Variants in INTS7 observed in about 807,000 individuals in gnomAD.
INTS7 encodes chromosome 1 open reading frame 73.
A neutral mutation model predicts 109.2 loss-of-function variants in INTS7; 46 were observed. The observed-to-expected ratio is 0.42, with a 90% CI of 0.33 to 0.54. The LOEUF (loss-of-function observed/expected upper bound fraction) is 0.54. Among genes scored for constraint, INTS7 ranks in the 20% least tolerant of loss-of-function variants. INTS7 has a pLI of 0.07. For missense variants in INTS7, 929 were observed against 1,132.4 expected (o/e 0.82, Z 2.58); for synonymous variants, 412 against 402.9 (o/e 1.02, Z -0.27).
chr1:211,953,621 A>G (rs1487809167), intron 16 of INTS7, among the ~76,000 whole-genome samples: 1 of 135,926 alleles, frequency 7.4e-6, no homozygotes, highest in African/African-American at 2.8e-5. Flanking sequence ...TCATTGTTCA[A>G]CTCCCACCTA....
At chr1:211,954,199 T>C (rs1663249338) in intron 16 of INTS7, among the ~76,000 whole-genome samples, 1 of 152,202 alleles carries the variant, frequency 6.6e-6, no homozygotes. Flanking sequence ...AAATGTCTTC[T>C]TTTGAGAAGT....
At chr1:212,014,634 G>A (rs1038595053) in intron 4 of INTS7, among the ~76,000 whole-genome samples, 1 of 144,580 alleles carries the variant, frequency 6.9e-6, no homozygotes, top group Non-Finnish European at 1.5e-5. Flanking sequence ...TCGGCTCACT[G>A]CAACCTCCCT....
intron 9 of INTS7, 26 bp downstream of exon 9, chr1:211,982,650 G>T: frequency 6.5e-7 from 1 of 1,532,022 alleles, no homozygotes; most frequent in Non-Finnish European, 8.8e-7. Flanking sequence ...AAGTTTATAC[G>T]TAATATCAGT....
chr1:211,989,302 TTTAAA>T (rs903026584), intron 7 of INTS7, among the ~76,000 whole-genome samples: 7 of 151,638 alleles, frequency 4.6e-5, no homozygotes, highest in Admixed American at 2.0e-4. Flanking sequence ...ATAATGGCAT[TTTAAA>T]TTAAAGATAC....
chr1:212,032,451 G>C (rs975710966), intron 1 of INTS7, among the ~76,000 whole-genome samples: 1 of 151,736 alleles, frequency 6.6e-6, no homozygotes, highest in Non-Finnish European at 1.5e-5. Flanking sequence ...TGGCTTGCAC[G>C]GCCCTACCTG....
intron 1 of INTS7, among the ~76,000 whole-genome samples, chr1:212,022,941 CCT>C (rs1571915778): frequency 6.6e-6 from 1 of 152,114 alleles, no homozygotes; most frequent in South Asian, 2.1e-4. Context: ...GTCTACTGTT[CCT>C]CTCTTTATGT....
intron 1 of INTS7, among the ~76,000 whole-genome samples, chr1:212,023,848 G>A (rs1051076554): frequency 3.9e-5 from 6 of 152,068 alleles, no homozygotes; most frequent in Non-Finnish European, 8.8e-5. Flanking sequence ...CTTAGAGTTT[G>A]AGGTCTTACA....
intron 8 of INTS7, among the ~76,000 whole-genome samples, chr1:211,986,952 C>T (rs1277425897): frequency 6.6e-6 from 1 of 152,160 alleles, no homozygotes; most frequent in Admixed American, 6.5e-5. Context: ...TTAATTCAAA[C>T]TAACTGACTA....
rs71137714 is a variant in INTS7, at chr1:211,997,528, GA to G, written c.879+9110del. 9.3e-3 allele frequency among the ~76,000 whole-genome samples: 547 copies of G among 58,952 alleles called. 3 individuals carry two copies. Among genetic ancestry groups the G allele is most frequent in the African/African-American group, 0.032 (444 of 14,048 alleles). 38.7% of individuals were successfully genotyped at this position (58,952 alleles called of 152,430 possible). On this transcript the variant is annotated intron_variant, in intron 7 of 19. Transcript: ENST00000366994. The stretch of plus-strand genomic sequence containing the variant: ...ACAGAGTGAAACCTATCTCCAAACA[GA>G]AAAAAAAAAAAAAAAAAAAAAGGGA...
intron 4 of INTS7, among the ~76,000 whole-genome samples, chr1:212,013,407 A>C (rs1279954299): frequency 6.6e-6 from 1 of 152,258 alleles, no homozygotes. Context: ...TTTTAAGCTA[A>C]GTGTTATTAC....
chr1:211,975,230 C>A lies in INTS7; in HGVS notation c.1751G>T (p.Ser584Ile), dbSNP rs1270114828. 1.2e-6 allele frequency: 2 copies of A among 1,613,888 alleles called. No individual in the cohort carries two copies. Among genetic ancestry groups the A allele is most frequent in the South Asian group, 2.2e-5 (2 of 91,084 alleles). The stretch of plus-strand genomic sequence containing the variant: ...TTCAGCAATGCAAGAAAGTGCTGAA[C>A]TATAATTTTCCTCTTGCAACCCAGT... ...CLTGLQEENY[S>I]SALSCIAESL... Residue 584 changes from serine (S) to isoleucine (I), a missense_variant, in exon 13 of 20, where the codon AGT (serine) becomes ATT (isoleucine). Ser to Ile is a moderately radical substitution (Grantham distance 142). Transcript: ENST00000366994.
chr1:211,952,627 T>C lies in INTS7; in HGVS notation c.2258A>G (p.Asn753Ser), dbSNP rs2102388604. The change falls in exon 17 of 20, where the codon AAT (asparagine) becomes AGT (serine). Residue 753 changes from asparagine (N) to serine (S), a missense_variant. Around this residue, in one of 2 missense-constraint regions of INTS7, gnomAD observed 787 missense variants for 901.1 expected, o/e 0.87. Transcript: ENST00000366994. ...EYERRMMSVY[N>S]HVLEEVESLN... ...TGATTCTACCTCCTCCAAGACATGA[T>C]TATATACAGACATCATTCTTCTTTC... is the stretch of plus-strand genomic sequence containing the variant. The C allele has an allele frequency of 1.2e-6, 2 of 1,612,446 alleles. No individual in the cohort carries two copies. Among genetic ancestry groups the C allele is most frequent in the East Asian group, 4.5e-5 (2 of 44,812 alleles).
chr1:212,035,070 A>G (rs1384890528), intron 1 of INTS7, among the ~76,000 whole-genome samples: 1 of 152,220 alleles, frequency 6.6e-6, no homozygotes, highest in Non-Finnish European at 1.5e-5. Context: ...CACTGCTTAG[A>G]AAATCGGGGG....
chr1:212,026,340 C>T (rs1220123285), intron 1 of INTS7, among the ~76,000 whole-genome samples: 1 of 152,076 alleles, frequency 6.6e-6, no homozygotes, highest in Non-Finnish European at 1.5e-5. Flanking sequence ...ATAGCACTAT[C>T]GGCACTCACA....
At chr1:212,020,929 A>T (rs1666664072) in intron 2 of INTS7, among the ~76,000 whole-genome samples, 154 bp downstream of exon 2, 2 of 152,202 alleles carry the variant, frequency 1.3e-5, no homozygotes, top group Admixed American at 1.3e-4. Flanking sequence ...AATGTCATTA[A>T]ATCTCACACT....
At chr1:212,010,073 G>GT (rs1423100244) in intron 5 of INTS7, among the ~76,000 whole-genome samples, 3 of 152,218 alleles carry the variant, frequency 2.0e-5, no homozygotes, top group South Asian at 2.1e-4. Context: ...AAGCCAAACT[G>GT]TAAGTTATCA....
chr1:211,975,010 G>T (rs1157903642), intron 13 of INTS7, among the ~76,000 whole-genome samples, 156 bp downstream of exon 13: 1 of 152,138 alleles, frequency 6.6e-6, no homozygotes, highest in Non-Finnish European at 1.5e-5. Context: ...ATCAATCTAA[G>T]AATGTTAAAA....
At chr1:211,963,613 C>T (rs1377435049) in intron 16 of INTS7, among the ~76,000 whole-genome samples, 1 of 152,046 alleles carries the variant, frequency 6.6e-6, no homozygotes, top group Non-Finnish European at 1.5e-5. Flanking sequence ...CTGAACCCAG[C>T]AACAAATCAA....
chr1:212,022,658 T>A (rs1666757520), intron 1 of INTS7, among the ~76,000 whole-genome samples: 1 of 152,076 alleles, frequency 6.6e-6, no homozygotes, highest in Non-Finnish European at 1.5e-5. Flanking sequence ...AATGAGGATA[T>A]GGGATAACTA....
Sources: gnomAD v4.1 joint callset for allele counts (sites outside exome capture counted in the v4.1 genomes callset) on GRCh38, gnomAD v4.1.1 for gene constraint, gnomAD v4.1.1 regional missense constraint, MANE v1.5 for transcripts, NCBI Gene and HGNC (gene_info 2026-07-23, HGNC 2026-07-21) for gene names.